Variants in AGBL1 observed in about 807,000 individuals in gnomAD.
AGBL1 encodes the protein AGBL carboxypeptidase 1, also known as cytosolic carboxypeptidase 4.
Under a neutral mutation model 118.9 loss-of-function variants are expected in AGBL1, and 130 were observed. The ratio of observed to expected loss-of-function variants is 1.09; its 90% CI spans 0.95 to 1.26. The LOEUF (loss-of-function observed/expected upper bound fraction) is 1.26, where lower values mean the gene tolerates loss of function less well. AGBL1 is among the 50% of genes most tolerant of loss of function. The pLI, the probability that AGBL1 is intolerant of heterozygous loss-of-function variation, is 0.00. For synonymous variants in AGBL1, 555 were observed against 478.9 expected (o/e 1.16, Z -2.08); for missense variants, 1,584 against 1,298.1 (o/e 1.22, Z -3.38).
At chr15:86,202,787 C>T (rs1597543204) in intron 5 of AGBL1, among the ~76,000 whole-genome samples, 1 of 152,196 alleles carries the variant, frequency 6.6e-6, no homozygotes, top group African/African-American at 2.4e-5. Context: ...ATTTTTGATT[C>T]AGATAAGAAC....
At position 86,867,322 on chromosome 15, in the gene AGBL1, T is replaced by C. The variant is rs143970229; in HGVS notation, c.3159-39765T>C. On this transcript the variant is annotated intron_variant, in intron 22 of 22. Transcript: ENST00000614907. ...GATGTGCTGGTACTTCAATTTTCCT[T>C]TTGCCAAGAGTTGACATTATGCTAA... Among the ~76,000 whole-genome samples, 917 of 152,266 alleles carry C rather than the reference T, an allele frequency of 6.0e-3. 7 individuals carry two copies. Among genetic ancestry groups the C allele is most frequent in the African/African-American group, 0.019 (790 of 41,552 alleles).
chr15:86,402,295 A>C (rs2081460322), intron 18 of AGBL1, among the ~76,000 whole-genome samples: 1 of 152,018 alleles, frequency 6.6e-6, no homozygotes, highest in South Asian at 2.1e-4. Context: ...CAGTGTGTGT[A>C]CATTGATTTT....
At chr15:86,322,379 A>G (rs1239979193) in intron 17 of AGBL1, among the ~76,000 whole-genome samples, 1 of 152,066 alleles carries the variant, frequency 6.6e-6, no homozygotes, top group African/African-American at 2.4e-5. Flanking sequence ...TTTCTAATTA[A>G]TTGTAACATT....
intron 24 of AGBL1, among the ~76,000 whole-genome samples, chr15:86,996,502 T>C (rs2594330): frequency 0.54 from 81,922 of 152,068 alleles, 24,464 homozygotes; most frequent in South Asian, 0.72. Flanking sequence ...TTTGTTCTCA[T>C]GAGGTGGGAG....
chr15:86,477,831 C>T (rs1032169709), intron 18 of AGBL1, among the ~76,000 whole-genome samples: 5 of 152,118 alleles, frequency 3.3e-5, no homozygotes, highest in African/African-American at 1.2e-4. Flanking sequence ...CAAAAATCCT[C>T]AATAAAATAC....
At chr15:86,775,324 A>G (rs1379740515) in intron 22 of AGBL1, among the ~76,000 whole-genome samples, 1 of 152,146 alleles carries the variant, frequency 6.6e-6, no homozygotes, top group African/African-American at 2.4e-5. Flanking sequence ...GGACACTATG[A>G]CTGAATATAT....
chr15:86,364,791 A>G (rs1023209615), intron 17 of AGBL1, among the ~76,000 whole-genome samples: 10 of 151,568 alleles, frequency 6.6e-5, no homozygotes, highest in African/African-American at 2.4e-4. Context: ...CACCTTACCT[A>G]CAACCTGGTA....
intron 22 of AGBL1, among the ~76,000 whole-genome samples, chr15:86,859,128 T>A (rs544706700): frequency 6.6e-6 from 1 of 152,136 alleles, no homozygotes; most frequent in South Asian, 2.1e-4. Flanking sequence ...TAGGGAAGAG[T>A]TAACCCTAAT....
chr15:86,283,411 A>T (rs1302230638), intron 16 of AGBL1, among the ~76,000 whole-genome samples: 3 of 148,264 alleles, frequency 2.0e-5, no homozygotes, highest in Non-Finnish European at 4.5e-5. Flanking sequence ...ATAGAGCAGA[A>T]TTTTTACCAG....
intron 18 of AGBL1, among the ~76,000 whole-genome samples, chr15:86,440,600 A>G (rs1018405181): frequency 2.6e-5 from 4 of 152,042 alleles, no homozygotes; most frequent in African/African-American, 9.7e-5. Context: ...TAACCATCCT[A>G]TGAGGTTGAT....
intron 3 of AGBL1, among the ~76,000 whole-genome samples, chr15:86,153,226 G>T (rs527890474): frequency 6.6e-6 from 1 of 152,106 alleles, no homozygotes; most frequent in Non-Finnish European, 1.5e-5. Context: ...GTTTATTTTG[G>T]CACTATTCAC....
intron 18 of AGBL1, among the ~76,000 whole-genome samples, chr15:86,452,895 T>G (rs1263005392): frequency 6.6e-6 from 1 of 152,184 alleles, no homozygotes; most frequent in Non-Finnish European, 1.5e-5. Flanking sequence ...CTGGAATTGC[T>G]CTTTCCCCTG....
At chr15:86,213,184 G>A (rs1470940169) in intron 5 of AGBL1, among the ~76,000 whole-genome samples, 2 of 152,186 alleles carry the variant, frequency 1.3e-5, no homozygotes, top group Non-Finnish European at 2.9e-5. Context: ...TTAGGTGATA[G>A]TCCTTAGTTT....
chr15:87,022,103 C>A (rs1487001055), intron 24 of AGBL1, among the ~76,000 whole-genome samples: 1 of 152,066 alleles, frequency 6.6e-6, no homozygotes, highest in Non-Finnish European at 1.5e-5. Flanking sequence ...GGGGAGAGTA[C>A]TACCTCAAGG....
intron 22 of AGBL1, among the ~76,000 whole-genome samples, chr15:86,863,386 G>A (rs559185277): frequency 3.9e-5 from 6 of 152,234 alleles, no homozygotes; most frequent in East Asian, 3.9e-4. Context: ...CATTCACACC[G>A]TGTGAGCAGC....
At chr15:86,181,594 G>C (rs2077553747) in intron 5 of AGBL1, among the ~76,000 whole-genome samples, 1 of 151,874 alleles carries the variant, frequency 6.6e-6, no homozygotes, top group Non-Finnish European at 1.5e-5. Flanking sequence ...TCATTATCTA[G>C]ATTGTGGTGA....
At chr15:86,493,526 G>A (rs755276508) in intron 18 of AGBL1, among the ~76,000 whole-genome samples, 5 of 152,046 alleles carry the variant, frequency 3.3e-5, no homozygotes, top group Non-Finnish European at 7.4e-5. Context: ...CTTTTGTCAG[G>A]TGGCATCTCT....
rs546948209 is a variant in AGBL1, at chr15:86,082,031, C to T, written c.51+2008C>T. Among the ~76,000 whole-genome samples, 7 of 152,282 alleles carry T rather than the reference C, an allele frequency of 4.6e-5. No homozygotes were observed. In the East Asian group the frequency reaches 9.6e-4, roughly 21 times the overall value. ...GCAGAACATTATGATAACAGGAGCA[C>T]GCTTCCTGTTTACTCCTCAGTTGAT... On this transcript the variant is annotated intron_variant, in intron 1 of 22. Coordinates refer to ENST00000614907, the MANE Select transcript of AGBL1 (RefSeq NM_001386094.1).
intron 1 of AGBL1, among the ~76,000 whole-genome samples, chr15:86,084,109 A>G (rs1255145399): frequency 6.6e-6 from 1 of 152,234 alleles, no homozygotes; most frequent in African/African-American, 2.4e-5. Context: ...AGGAAACCCT[A>G]TAAGGATGAG....
Sources: allele counts gnomAD v4.1 joint callset (sites outside exome capture counted in the v4.1 genomes callset), GRCh38; gene constraint gnomAD v4.1.1; transcripts MANE v1.5; gene names NCBI Gene and HGNC (gene_info 2026-07-23, HGNC 2026-07-21).